ANK2: variants seen among roughly 807,000 people sequenced by gnomAD.
ANK2 encodes ankyrin 2, also known as ankyrin-2.
In ANK2, 83 loss-of-function variants were observed where a neutral mutation model predicts 360.5. That is an observed-to-expected ratio of 0.23 (90% CI 0.19 to 0.28). The LOEUF (loss-of-function observed/expected upper bound fraction) is 0.28. Ranked by LOEUF, ANK2 falls within the 10% of genes least tolerant of loss-of-function variation. The pLI is 1.00. For missense variants in ANK2, 4,201 were observed against 4,795.7 expected (o/e 0.88, Z 3.66); for synonymous variants, 1,740 against 1,759.5 (o/e 0.99, Z 0.28).
chr4:112,883,618 A>G (rs1580456110), intron 1 of ANK2, among the ~76,000 whole-genome samples: 1 of 152,070 alleles, frequency 6.6e-6, no homozygotes, highest in East Asian at 1.9e-4. Flanking sequence ...TACTGCCTAC[A>G]TTTAGCTTGA....
intron 1 of ANK2, among the ~76,000 whole-genome samples, chr4:112,844,103 A>G (rs1295830283): frequency 6.6e-6 from 1 of 152,196 alleles, no homozygotes; most frequent in Non-Finnish European, 1.5e-5. Flanking sequence ...ATAGTATGTC[A>G]GACTCACAGG....
the ANK2 span, among the ~76,000 whole-genome samples, chr4:112,717,382 A>G: frequency 1.3e-5 from 2 of 152,282 alleles, no homozygotes; most frequent in East Asian, 3.9e-4. Flanking sequence ...ATCTGTCTGC[A>G]CTTTAACTTC....
intron 1 of ANK2, among the ~76,000 whole-genome samples, chr4:112,847,682 C>G (rs2063646758): frequency 6.6e-6 from 1 of 152,052 alleles, no homozygotes; most frequent in African/African-American, 2.4e-5. Flanking sequence ...ACCTCCTTTT[C>G]CCCCTTAAAA....
chr4:113,040,677 CT>C (rs1168759334), intron 2 of ANK2, among the ~76,000 whole-genome samples: 2 of 152,018 alleles, frequency 1.3e-5, no homozygotes, highest in Non-Finnish European at 2.9e-5. Context: ...GAATTTATGG[CT>C]CCTTAATTTC....
the ANK2 span, among the ~76,000 whole-genome samples, chr4:112,771,028 TCTTC>T: frequency 8.1e-4 from 124 of 152,348 alleles, no homozygotes; most frequent in African/African-American, 2.4e-3. Context: ...GAAAAAAATC[TCTTC>T]CTTCTTCCAT....
rs1177855349 is a variant in ANK2 at position 113,357,506 on chromosome 4, C to T, written c.8888C>T (p.Thr2963Ile). Reference protein sequence around the residue: ...SFHSSEVYSVTITSPVEDVVV... With the variant: ...SFHSSEVYSVIITSPVEDVVV... ...CACTCTTCTGAAGTGTATTCTGTTA[C>T]CATCACATCCCCTGTTGAAGACGTT... Residue 2963 changes from threonine to isoleucine, a missense_variant, in exon 38 of 46, where the codon ACC becomes ATC. Transcript: ENST00000357077. 6.2e-7 allele frequency: 1 copy of T among 1,613,968 alleles called. No homozygotes were observed. The highest frequency in any genetic ancestry group is 1.3e-5 in the African/African-American group (1 of 74,916).
intron 37 of ANK2, chr4:113,350,828 GA>G (rs11307255): frequency 0.24 from 36,958 of 151,086 alleles, 6,168 homozygotes; most frequent in African/African-American, 0.48. Flanking sequence ...AAAACTTTCT[GA>G]AAAAAAACCA....
chr4:113,232,917 T>C (rs368372903), intron 5 of ANK2, among the ~76,000 whole-genome samples: 3 of 152,190 alleles, frequency 2.0e-5, no homozygotes, highest in African/African-American at 7.2e-5. Flanking sequence ...CATTTTTGCT[T>C]AGGCAGATTA....
the ANK2 span, among the ~76,000 whole-genome samples, chr4:112,810,603 G>A: frequency 1.3e-5 from 2 of 152,052 alleles, no homozygotes; most frequent in African/African-American, 4.8e-5. Flanking sequence ...CCAGGCTGGA[G>A]TGCAATGGTG....
chr4:113,276,086 T>C (rs2060151843), intron 15 of ANK2, among the ~76,000 whole-genome samples: 1 of 151,798 alleles, frequency 6.6e-6, no homozygotes, highest in African/African-American at 2.4e-5. Flanking sequence ...GGACTACAGG[T>C]GCCCTCCACC....
At chr4:113,016,853 T>TCTGAGG (rs1315468960) in intron 2 of ANK2, among the ~76,000 whole-genome samples, 1 of 152,156 alleles carries the variant, frequency 6.6e-6, no homozygotes. Flanking sequence ...TACCCTGCCC[T>TCTGAGG]CTGAGGCTGA....
chr4:113,212,690 T>C (rs183596485), intron 4 of ANK2, among the ~76,000 whole-genome samples: 57 of 152,224 alleles, frequency 3.7e-4, no homozygotes, highest in African/African-American at 1.4e-3. Flanking sequence ...TCATCTGTGA[T>C]AGGGGGATCA....
At chr4:113,237,783 A>G (rs1038950965) in intron 7 of ANK2, among the ~76,000 whole-genome samples, 161 bp downstream of exon 7, 2 of 152,252 alleles carry the variant, frequency 1.3e-5, no homozygotes, top group Admixed American at 6.5e-5. Context: ...GATAATTCAA[A>G]GATATTTAGT....
Position 113,278,562 on chromosome 4 carries a change from A to T in ANK2, c.1881+4A>T. The stretch of plus-strand genomic sequence containing the variant: ...TTCCCCTCATGCCACTGCCAAGGTG[A>T]GGACCACAGAAAAGGATTTACAGGC... On this transcript the variant is annotated splice_donor_region_variant and intron_variant, in intron 17 of 45. Transcript: ENST00000357077. 6.2e-7 allele frequency: 1 copy of T among 1,613,570 alleles called. No individual in the cohort carries two copies. Among genetic ancestry groups the T allele is most frequent in the Non-Finnish European group, 8.5e-7 (1 of 1,179,548 alleles).
At chr4:113,014,753 T>C in intron 2 of ANK2, among the ~76,000 whole-genome samples, 1 of 151,990 alleles carries the variant, frequency 6.6e-6, no homozygotes, top group South Asian at 2.1e-4. Flanking sequence ...CATTTAGTAC[T>C]GTTTCAGTCA....
intron 10 of ANK2, among the ~76,000 whole-genome samples, chr4:113,251,181 G>A (rs1382564593): frequency 6.6e-6 from 1 of 152,100 alleles, no homozygotes; most frequent in African/African-American, 2.4e-5. Context: ...CCAATATGAA[G>A]TTGAAAATAG....
chr4:112,813,153 G>A (rs1049427027), upstream of ANK2, among the ~76,000 whole-genome samples: 3 of 150,882 alleles, frequency 2.0e-5, no homozygotes, highest in African/African-American at 4.9e-5. Flanking sequence ...CAGGAGAATC[G>A]CTTGAACCCG....
intron 1 of ANK2, among the ~76,000 whole-genome samples, chr4:113,067,799 G>A (rs1002187388): frequency 9.9e-5 from 15 of 152,194 alleles, no homozygotes; most frequent in Non-Finnish European, 1.5e-4. Context: ...TTCTTAGGTT[G>A]CACTTTACAT....
intron 1 of ANK2, among the ~76,000 whole-genome samples, chr4:113,162,671 C>A (rs1286894341): frequency 6.6e-6 from 1 of 150,860 alleles, no homozygotes; most frequent in East Asian, 1.9e-4. Flanking sequence ...ACTGCCTCTA[C>A]ATGGATCTCC....
Sources: allele counts gnomAD v4.1 joint callset (sites outside exome capture counted in the v4.1 genomes callset), GRCh38; gene constraint gnomAD v4.1.1; transcripts MANE v1.5; gene names NCBI Gene and HGNC (gene_info 2026-07-23, HGNC 2026-07-21).